SETD5: variants seen among roughly 807,000 people sequenced by gnomAD.
SETD5 encodes histone-lysine N-methyltransferase SETD5.
Under a neutral mutation model 153.3 loss-of-function variants are expected in SETD5, and 44 were observed. That is an observed-to-expected ratio of 0.29 (90% CI 0.23 to 0.37). The LOEUF (loss-of-function observed/expected upper bound fraction) is 0.37. Among genes scored for constraint, SETD5 ranks in the 10% least tolerant of loss-of-function variants. The probability of loss-of-function intolerance (pLI) is 1.00; values close to 1 mark genes in which losing one functional copy is unlikely to be tolerated. For synonymous variants in SETD5, 716 were observed against 645.2 expected, an observed-to-expected ratio of 1.11 and a Z score of -1.66; for missense variants, 1,544 against 1,768.0, an observed-to-expected ratio of 0.87 and a Z score of 2.27.
At chr3:9,454,860 A>G (rs1220374240) in intron 17 of SETD5, among the ~76,000 whole-genome samples, 1 of 152,118 alleles carries the variant, frequency 6.6e-6, no homozygotes, top group Admixed American at 6.5e-5. Flanking sequence ...TGTGATTTTC[A>G]TAACTTTTCT....
intron 1 of SETD5, among the ~76,000 whole-genome samples, chr3:9,404,433 A>T (rs766613036): frequency 6.6e-6 from 1 of 152,194 alleles, no homozygotes; most frequent in East Asian, 1.9e-4. Context: ...TTATTATTGT[A>T]ATTAGTTGGA....
rs762472043 is a variant in SETD5 at position 9,470,772 on chromosome 3, A to T, written c.3038A>T (p.His1013Leu). 2.5e-6 allele frequency: 4 copies of T among 1,613,918 alleles called. No homozygotes were observed. The highest frequency in any genetic ancestry group is 3.3e-5 in the Admixed American group (2 of 59,998). ...SPLVGDRKPLHLDGGYCSPAE... is the reference protein window; with the variant it reads ...SPLVGDRKPLLLDGGYCSPAE... Reference sequence around the variant, plus strand: ...CTAGTGGGGGATAGGAAGCCTTTACATTTGGATGGGGGATATTGTTCCCCT... The same window carrying T: ...CTAGTGGGGGATAGGAAGCCTTTACTTTTGGATGGGGGATATTGTTCCCCT... Residue 1013 changes from histidine (H) to leucine (L), a missense_variant, in exon 19 of 23, where the codon CAT (histidine) becomes CTT (leucine). Physicochemically the swap from His to Leu is moderately conservative, Grantham distance 99. Transcript: ENST00000402198.
intron 11 of SETD5, 68 bp from the exon 12 acceptor site, chr3:9,444,980 G>A: frequency 6.4e-7 from 1 of 1,557,616 alleles, no homozygotes; most frequent in Non-Finnish European, 8.7e-7. Context: ...TTTTAAGAGG[G>A]TGAATGGATA....
chr3:9,418,815 A>G (rs1293598524), intron 1 of SETD5, among the ~76,000 whole-genome samples: 1 of 152,002 alleles, frequency 6.6e-6, no homozygotes, highest in Non-Finnish European at 1.5e-5. Flanking sequence ...AAAAAAAAAA[A>G]ATGTGAATCA....
rs146583836 is a variant in SETD5 at position 9,473,466 on chromosome 3, G to A, written c.3426G>A (p.Ala1142=). The change falls in exon 20 of 23, where the codon GCG becomes GCA. Residue 1142 remains alanine, a synonymous_variant. Coordinates refer to ENST00000402198, the MANE Select transcript of SETD5 (RefSeq NM_001080517.3). ...PSHSSMSHLE[A]VSPSDSRGTS... ...ATTCCTCTATGTCCCATTTGGAGGC[G>A]GTAAGCCCATCAGATTCCAGAGGCA... 1.3e-4 allele frequency: 209 copies of A among 1,613,764 alleles called. No homozygotes were observed. The highest frequency in any genetic ancestry group is 1.7e-4 in the Non-Finnish European group (197 of 1,179,798).
intron 18 of SETD5, among the ~76,000 whole-genome samples, chr3:9,468,882 A>G (rs2044964281): frequency 6.6e-6 from 1 of 152,078 alleles, no homozygotes; most frequent in African/African-American, 2.4e-5. Context: ...ATTAAAGAAT[A>G]GAATCTAGAA....
chr3:9,452,659 ATTTTTTT>A (rs1164278885), intron 16 of SETD5, among the ~76,000 whole-genome samples: 13 of 59,814 alleles, frequency 2.2e-4, no homozygotes, highest in African/African-American at 6.5e-4. Flanking sequence ...ATGATGTAAG[ATTTTTTT>A]TTTTTTTTTT....
chr3:9,423,013 T>C (rs545617691), intron 1 of SETD5, among the ~76,000 whole-genome samples: 2 of 152,268 alleles, frequency 1.3e-5, no homozygotes, highest in African/African-American at 2.4e-5. Context: ...TCTGAATTTC[T>C]TTCGTTGGAT....
In SETD5 at chr3:9,476,198, G is replaced by C. The variant is rs565669026; in HGVS notation, c.*107G>C. 1.9e-5 allele frequency: 27 copies of C among 1,424,500 alleles called. No homozygotes were observed. In the South Asian group the frequency reaches 3.8e-4, roughly 20 times the overall value. 88.2% of individuals were successfully genotyped at this position (1,424,500 alleles called of 1,614,324 possible). A position where few individuals can be genotyped will look rare whatever the true frequency, so the allele number is the denominator to read the frequency against. On this transcript the variant is annotated 3_prime_UTR_variant, in exon 23 of 23. Transcript: ENST00000402198. Reference sequence around the variant, plus strand: ...ATTGCTGAGGAACGGGGGGTACAAGGTGCCAGAGGATTGGGTCTGGTGGAC... The same window carrying C: ...ATTGCTGAGGAACGGGGGGTACAAGCTGCCAGAGGATTGGGTCTGGTGGAC...
rs776261532 is a variant in SETD5, at chr3:9,447,231, A to C, written c.1706A>C (p.Asn569Thr). 1 of 1,613,942 alleles carries C rather than the reference A, an allele frequency of 6.2e-7. No individual in the cohort carries two copies. The highest frequency in any genetic ancestry group is 8.5e-7 in the Non-Finnish European group (1 of 1,179,878). Residue 569 changes from asparagine to threonine, a missense_variant, in exon 14 of 23, where the codon AAC becomes ACC. By Grantham distance (65) the Asn-to-Thr change is moderately conservative. This residue lies in a region of SETD5 where 782 missense variants were observed against 787.2 expected (regional missense o/e 0.99). Coordinates refer to ENST00000402198, the MANE Select transcript of SETD5 (RefSeq NM_001080517.3). ...GAAGCCCCTGAATCTGAAGTTAGCA[A>C]CTCTGTTTCAAATGTTACCATCCCA... ...KTEAPESEVS[N>T]SVSNVTIPST...
At chr3:9,420,703 T>C (rs1305022615) in intron 1 of SETD5, among the ~76,000 whole-genome samples, 1 of 152,194 alleles carries the variant, frequency 6.6e-6, no homozygotes, top group African/African-American at 2.4e-5. Flanking sequence ...TGCTTCAGAT[T>C]ATAAGCCTAA....
chr3:9,474,319 G>GT, intron 20 of SETD5, 130 bp from the exon 21 acceptor site: 1 of 1,032,572 alleles, frequency 9.7e-7, no homozygotes, highest in Non-Finnish European at 1.4e-6. Context: ...GAAATACGTT[G>GT]TTTTAAATTG....
intron 1 of SETD5, among the ~76,000 whole-genome samples, chr3:9,421,885 T>C (rs2038464426): frequency 6.6e-6 from 1 of 152,186 alleles, no homozygotes; most frequent in African/African-American, 2.4e-5. Flanking sequence ...GCTGAATAGA[T>C]TTATTTCAGG....
At chr3:9,443,721 A>G (rs755134966) in intron 11 of SETD5, among the ~76,000 whole-genome samples, 3 of 152,230 alleles carry the variant, frequency 2.0e-5, no homozygotes, top group African/African-American at 7.2e-5. Context: ...GGAAATTACA[A>G]TAGCATCCTG....
At chr3:9,404,098 T>C (rs1407635029) in intron 1 of SETD5, among the ~76,000 whole-genome samples, 5 of 152,340 alleles carry the variant, frequency 3.3e-5, no homozygotes, top group Admixed American at 2.0e-4. Flanking sequence ...AGAGCACATT[T>C]GTTGCTTGGG....
At position 9,397,806 on chromosome 3, in the gene SETD5, C is replaced by G. The variant is rs1391948172; in HGVS notation, c.-348C>G. On this transcript the variant is annotated 5_prime_UTR_variant, in exon 1 of 23. Coordinates refer to ENST00000402198, the MANE Select transcript of SETD5 (RefSeq NM_001080517.3). ...CTTTCCCTGGCCCTGCCCCCCCTCC[C>G]CGCCTTTGGCTCGCTCCGCCTTTCT... The G allele has an allele frequency of 2.0e-5, 3 of 150,042 alleles. No individual in the cohort carries two copies. The highest frequency in any genetic ancestry group is 6.7e-5 in the Admixed American group (1 of 14,940). 9.3% of individuals were successfully genotyped at this position (150,042 alleles called of 1,614,324 possible). A position where few individuals can be genotyped will look rare whatever the true frequency, so the allele number is the denominator to read the frequency against.
rs1289629055 is a variant in SETD5 at position 9,464,638 on chromosome 3, C to T, written c.2690C>T (p.Thr897Ile). 1.2e-6 allele frequency: 2 copies of T among 1,613,908 alleles called. No individual in the cohort carries two copies. The highest frequency in any genetic ancestry group is 1.7e-6 in the Non-Finnish European group (2 of 1,179,912). ...TTTTCACCAGTCACATCTCTTACTA[C>T]TGCTAGTCGCTGCAACACTCCTCTA... is the stretch of plus-strand genomic sequence containing the variant. The part of the protein sequence containing the change: ...LMFSPVTSLT[T>I]ASRCNTPLQF... The change falls in exon 18 of 23, where the codon ACT becomes ATT. Residue 897 changes from threonine to isoleucine, a missense_variant. Transcript: ENST00000402198.
At chr3:9,474,689 TG>T in intron 21 of SETD5, 107 bp downstream of exon 21, 1 of 1,464,360 alleles carries the variant, frequency 6.8e-7, no homozygotes, top group Non-Finnish European at 9.2e-7. Context: ...CTGATGCAGT[TG>T]GGCTCCACCG....
At chr3:9,440,840 C>T in intron 8 of SETD5, 142 bp downstream of exon 8, 1 of 1,066,852 alleles carries the variant, frequency 9.4e-7, no homozygotes, top group Non-Finnish European at 1.3e-6. Flanking sequence ...TCATATGTAA[C>T]CAAAAGTAGG....
Sources: allele counts gnomAD v4.1 joint callset (sites outside exome capture counted in the v4.1 genomes callset), GRCh38; gene constraint gnomAD v4.1.1; regional missense constraint gnomAD v4.1.1; transcripts MANE v1.5; gene names NCBI Gene and HGNC (gene_info 2026-07-23, HGNC 2026-07-21).